Variants in ZC2HC1B observed in about 807,000 individuals in gnomAD.
ZC2HC1B encodes the protein zinc finger C2HC domain-containing protein 1B.
Under a neutral mutation model 31.0 loss-of-function variants are expected in ZC2HC1B, and 36 were observed. The observed-to-expected ratio is 1.16, with a 90% confidence interval of 0.89 to 1.54. The LOEUF is 1.54. Among genes scored for constraint, ZC2HC1B ranks in the 40% most tolerant of loss-of-function variants. ZC2HC1B has a pLI of 0.00. For missense variants in ZC2HC1B, 260 were observed against 268.6 expected (o/e 0.97, Z 0.22); for synonymous variants, 73 against 88.0 (o/e 0.83, Z 0.95).
chr6:143,913,559 T>C lies in ZC2HC1B; in HGVS notation c.598+10407T>C, dbSNP rs1777885017. 6.6e-6 allele frequency among the ~76,000 whole-genome samples: 1 copy of C among 152,218 alleles called. No homozygotes were observed. Among genetic ancestry groups the C allele is most frequent in the Non-Finnish European group, 1.5e-5 (1 of 68,024 alleles). On this transcript the variant is annotated intron_variant, in intron 6 of 7. Coordinates refer to ENST00000237275, the MANE Select transcript of ZC2HC1B (RefSeq NM_001013623.3). This position sits in a 1 kb window ranked among gnomAD's most constrained non-coding sequence, Gnocchi z 5.7. ...TTCCTAGGGATATATGCAGACCACC[T>C]ACCTTGCCTGTGTTGCAGAAAGACT...
intron 6 of ZC2HC1B, among the ~76,000 whole-genome samples, chr6:143,912,848 C>CTTGT (rs1201493823): frequency 3.2e-4 from 48 of 152,076 alleles, no homozygotes; most frequent in Non-Finnish European, 6.0e-4. Flanking sequence ...AGCTGAGAAG[C>CTTGT]CAAATGGCCA....
rs946744076 is a variant in ZC2HC1B at position 143,895,394 on chromosome 6, C to T, written c.350-3158C>T. Among the ~76,000 whole-genome samples the T allele has an allele frequency of 2.0e-5, 3 of 152,102 alleles. No homozygotes were observed. The highest frequency in any genetic ancestry group is 4.2e-4 in the South Asian group (2 of 4,818). ...GTCAGGCTGATCTTGAACTCCTGAC[C>T]TCAGGTAATGCACATGCCTCGGCCT... On this transcript the variant is annotated intron_variant, in intron 4 of 7. Coordinates refer to ENST00000237275, the MANE Select transcript of ZC2HC1B (RefSeq NM_001013623.3). The surrounding 1 kb of genome is among the most constrained non-coding windows in gnomAD (Gnocchi z 4.8).
intron 6 of ZC2HC1B, among the ~76,000 whole-genome samples, chr6:143,919,505 G>C (rs940916764): frequency 1.3e-5 from 2 of 152,154 alleles, no homozygotes; most frequent in African/African-American, 2.4e-5. Context: ...ACTTCAGCCA[G>C]AGCAGAAGGG....
At chr6:143,909,918 T>G (rs1009592612) in intron 6 of ZC2HC1B, among the ~76,000 whole-genome samples, 3 of 152,194 alleles carry the variant, frequency 2.0e-5, no homozygotes, top group Admixed American at 6.5e-5. Context: ...TTCTTCAGTT[T>G]AGCTCTGATC....
At chr6:143,866,948 G>A (rs766757148) in intron 1 of ZC2HC1B, among the ~76,000 whole-genome samples, 2 of 152,176 alleles carry the variant, frequency 1.3e-5, no homozygotes, top group African/African-American at 2.4e-5. Context: ...TGTCATAGAA[G>A]TTGAACATCT....
Position 143,884,493 on chromosome 6 carries a change from T to G in ZC2HC1B, c.90+128T>G. On this transcript the variant is annotated intron_variant, in intron 2 of 7. Coordinates refer to ENST00000237275, the MANE Select transcript of ZC2HC1B (RefSeq NM_001013623.3). The surrounding 1 kb of genome is among the most constrained non-coding windows in gnomAD (Gnocchi z 5.1). ...GAAGCAAGGGAAGAGGAAAAGTACA[T>G]AACCTATGGCTGGTGGGCCCAGAGA... The G allele has an allele frequency of 1.2e-6, 1 of 828,800 alleles. No individual in the cohort carries two copies. Among genetic ancestry groups the G allele is most frequent in the Non-Finnish European group, 1.8e-6 (1 of 550,620 alleles). 51.3% of individuals were successfully genotyped at this position (828,800 alleles called of 1,614,324 possible). A position where few individuals can be genotyped will look rare whatever the true frequency, so the allele number is the denominator to read the frequency against.
chr6:143,898,547 T>G lies in ZC2HC1B; in HGVS notation c.350-5T>G. 1 of 1,551,480 alleles carries G rather than the reference T, an allele frequency of 6.4e-7. No homozygotes were observed. The highest frequency in any genetic ancestry group is 1.2e-5 in the South Asian group (1 of 84,050). ...ATTGCCATTTGTTGTTATCTTTACATTCAGATTATATTCAACGTCCATATT... is the reference window on the plus strand; with the variant it reads ...ATTGCCATTTGTTGTTATCTTTACAGTCAGATTATATTCAACGTCCATATT... On this transcript the variant is annotated splice_polypyrimidine_tract_variant and splice_region_variant and intron_variant, in intron 4 of 7. Transcript: ENST00000237275.
chr6:143,930,048 G>C (rs1270497243), intron 6 of ZC2HC1B, among the ~76,000 whole-genome samples: 1 of 151,848 alleles, frequency 6.6e-6, no homozygotes, highest in African/African-American at 2.4e-5. Flanking sequence ...ACAACTTTTT[G>C]TTTTGTTGAT....
At position 143,915,762 on chromosome 6, in the gene ZC2HC1B, T is replaced by G. The variant is rs1191039199; in HGVS notation, c.598+12610T>G. On this transcript the variant is annotated intron_variant, in intron 6 of 7. Transcript: ENST00000237275. This position sits in a 1 kb window ranked among gnomAD's most constrained non-coding sequence, Gnocchi z 5.2. The stretch of plus-strand genomic sequence containing the variant: ...ATAGAGATGTGTGGAACTTTGGACT[T>G]CAGGGAGATGACTTAGGGTATCTGG... Among the ~76,000 whole-genome samples the G allele has an allele frequency of 1.3e-5, 2 of 152,204 alleles. No homozygotes were observed.
chr6:143,897,760 T>C (rs1035066635), intron 4 of ZC2HC1B, among the ~76,000 whole-genome samples: 2 of 152,166 alleles, frequency 1.3e-5, no homozygotes, highest in East Asian at 1.9e-4. Context: ...CACAGTCCCA[T>C]TGACTTCCAT....
intron 6 of ZC2HC1B, among the ~76,000 whole-genome samples, chr6:143,926,828 CTTTTTTTTTTTT>C (rs774028763): frequency 0.012 from 976 of 78,870 alleles, 17 homozygotes; most frequent in African/African-American, 0.049. Flanking sequence ...ATTGTATCTT[CTTTTTTTTTTTT>C]TTTTTTTTTT....
chr6:143,882,141 G>A (rs1777475192), intron 1 of ZC2HC1B, among the ~76,000 whole-genome samples: 1 of 151,522 alleles, frequency 6.6e-6, no homozygotes, highest in Non-Finnish European at 1.5e-5. Flanking sequence ...TACTAACCCT[G>A]TCTTATAGGG....
Position 143,913,946 on chromosome 6 carries a change from G to A in ZC2HC1B, c.598+10794G>A, listed in dbSNP as rs1777889304. Among the ~76,000 whole-genome samples the A allele has an allele frequency of 6.6e-6, 1 of 152,214 alleles. No individual in the cohort carries two copies. The highest frequency in any genetic ancestry group is 1.5e-5 in the Non-Finnish European group (1 of 68,040). On this transcript the variant is annotated intron_variant, in intron 6 of 7. Coordinates refer to ENST00000237275, the MANE Select transcript of ZC2HC1B (RefSeq NM_001013623.3). This position sits in a 1 kb window ranked among gnomAD's most constrained non-coding sequence, Gnocchi z 5.7. ...TCACTTGCCTGTTTTGTTCCTTTCT[G>A]TGAGTGCTGTGGACCACAGCTGCTT...
At chr6:143,891,591 A>G (rs538137031) in intron 4 of ZC2HC1B, among the ~76,000 whole-genome samples, 34 of 151,552 alleles carry the variant, frequency 2.2e-4, no homozygotes. Flanking sequence ...AATCCCTGCT[A>G]CTCAGGAGAC....
At chr6:143,910,595 A>C (rs1350965669) in intron 6 of ZC2HC1B, among the ~76,000 whole-genome samples, 3 of 152,174 alleles carry the variant, frequency 2.0e-5, no homozygotes, top group Non-Finnish European at 4.4e-5. Flanking sequence ...ACTATTTGCA[A>C]GTCTAAGTCT....
chr6:143,889,994 T>A (rs915446262), intron 4 of ZC2HC1B, among the ~76,000 whole-genome samples: 1 of 152,120 alleles, frequency 6.6e-6, no homozygotes, highest in Admixed American at 6.5e-5. Context: ...TAGAAATGTA[T>A]GACAAAAATA....
intron 1 of ZC2HC1B, among the ~76,000 whole-genome samples, chr6:143,876,260 C>T (rs1050435642): frequency 6.6e-6 from 1 of 150,498 alleles, no homozygotes; most frequent in Non-Finnish European, 1.5e-5. Context: ...TACTCTGTCC[C>T]CTGAACTTAG....
intron 4 of ZC2HC1B, among the ~76,000 whole-genome samples, chr6:143,889,711 A>G (rs1777574576): frequency 6.6e-6 from 1 of 152,154 alleles, no homozygotes; most frequent in African/African-American, 2.4e-5. Flanking sequence ...ATTCACAATT[A>G]TATTTGGAGA....
At chr6:143,875,653 C>T (rs566240873) in intron 1 of ZC2HC1B, among the ~76,000 whole-genome samples, 6 of 150,616 alleles carry the variant, frequency 4.0e-5, no homozygotes, top group Admixed American at 6.6e-5. Flanking sequence ...TCGAGTGTAT[C>T]GCACCTCCTC....
Sources: allele counts gnomAD v4.1 joint callset (sites outside exome capture counted in the v4.1 genomes callset), GRCh38; gene constraint gnomAD v4.1.1; non-coding constraint Gnocchi (gnomAD v3.1); transcripts MANE v1.5; gene names NCBI Gene and HGNC (gene_info 2026-07-23, HGNC 2026-07-21).